Variants in NCKAP5 observed in about 807,000 individuals in gnomAD.
The protein encoded by NCKAP5 is nck-associated protein 5.
NCKAP5 carries 92 observed loss-of-function variants against 167.0 expected under a neutral mutation model. The ratio of observed to expected loss-of-function variants is 0.55; its 90% CI spans 0.47 to 0.66. The LOEUF is 0.66. Ranked by LOEUF, NCKAP5 falls within the 30% of genes least tolerant of loss-of-function variation. The pLI is 0.00. For missense variants in NCKAP5, 2,378 were observed against 2,315.0 expected (o/e 1.03, Z -0.56); for synonymous variants, 891 against 877.4 (o/e 1.02, Z -0.27).
chr2:133,590,479 G>A, the NCKAP5 span, among the ~76,000 whole-genome samples: 5 of 144,232 alleles, frequency 3.5e-5, no homozygotes, highest in East Asian at 6.2e-4. Context: ...AGCCGAGATC[G>A]CGCCACTGCA....
intron 5 of NCKAP5, among the ~76,000 whole-genome samples, chr2:133,135,573 C>A (rs749337786): frequency 2.6e-5 from 4 of 151,460 alleles, no homozygotes; most frequent in Non-Finnish European, 5.9e-5. Flanking sequence ...AACTAACAGG[C>A]TAAATTATAG....
chr2:133,526,321 G>A (rs1453345417), intron 2 of NCKAP5, among the ~76,000 whole-genome samples: 1 of 74,204 alleles, frequency 1.3e-5, no homozygotes, highest in Non-Finnish European at 2.7e-5. Flanking sequence ...AGGAGGGAGG[G>A]AGGGAAGGAG....
chr2:132,716,472 C>G (rs192476110), intron 19 of NCKAP5, among the ~76,000 whole-genome samples: 1 of 152,324 alleles, frequency 6.6e-6, no homozygotes, highest in East Asian at 1.9e-4. Context: ...GTATCCTTTG[C>G]TCCCCTCACC....
At chr2:133,151,270 G>A (rs2083376144) in intron 5 of NCKAP5, among the ~76,000 whole-genome samples, 1 of 152,106 alleles carries the variant, frequency 6.6e-6, no homozygotes, top group Non-Finnish European at 1.5e-5. Context: ...AGCATGACCT[G>A]TGAAAGAAAT....
In NCKAP5 at chr2:133,318,140, C is replaced by T. The variant is rs553797140; in HGVS notation, c.70-15030G>A. ...GTCATAGTTGATTCTCTAATACCAG[C>T]ATAAACAGCTTTCAGGAGAATCATG... On this transcript the variant is annotated intron_variant, in intron 3 of 19. Coordinates refer to ENST00000409261, the MANE Select transcript of NCKAP5 (RefSeq NM_207363.3). Among the ~76,000 whole-genome samples the T allele has an allele frequency of 4.7e-4, 71 of 152,292 alleles. 1 individual carries two copies. The highest frequency in any genetic ancestry group is 1.7e-3 in the African/African-American group (69 of 41,548).
At chr2:133,148,084 T>A (rs556293457) in intron 5 of NCKAP5, among the ~76,000 whole-genome samples, 3 of 152,102 alleles carry the variant, frequency 2.0e-5, no homozygotes, top group Non-Finnish European at 4.4e-5. Context: ...TTAAACATAA[T>A]GAAATGTTTT....
At chr2:132,959,765 C>A (rs1198081077) in intron 8 of NCKAP5, among the ~76,000 whole-genome samples, 2 of 152,202 alleles carry the variant, frequency 1.3e-5, no homozygotes, top group South Asian at 4.1e-4. Context: ...GTGATCCTTT[C>A]GTAGAAGGGA....
intron 11 of NCKAP5, among the ~76,000 whole-genome samples, chr2:132,812,136 C>T (rs920003107): frequency 1.3e-5 from 2 of 152,162 alleles, no homozygotes; most frequent in Admixed American, 6.5e-5. Context: ...CTCCTGGGTC[C>T]TGCAGGAGCG....
intron 4 of NCKAP5, among the ~76,000 whole-genome samples, chr2:133,292,995 A>G (rs1574623023): frequency 6.6e-6 from 1 of 152,182 alleles, no homozygotes. Context: ...ACTCTTCATC[A>G]GCCCTCACTC....
the NCKAP5 span, among the ~76,000 whole-genome samples, chr2:133,609,910 C>A: frequency 6.6e-6 from 1 of 152,100 alleles, no homozygotes; most frequent in Non-Finnish European, 1.5e-5. Context: ...AAAGAGGGCA[C>A]CACCTACAAA....
intron 19 of NCKAP5, among the ~76,000 whole-genome samples, chr2:132,708,602 T>A (rs1438075348): frequency 6.6e-6 from 1 of 152,152 alleles, no homozygotes; most frequent in African/African-American, 2.4e-5. Flanking sequence ...GGATGGCATC[T>A]CTGGACCTGA....
intron 11 of NCKAP5, among the ~76,000 whole-genome samples, chr2:132,856,830 G>T (rs1160996041): frequency 3.9e-5 from 6 of 152,090 alleles, no homozygotes; most frequent in Non-Finnish European, 8.8e-5. Flanking sequence ...CAGAAAATTT[G>T]TCCTCTTACT....
At chr2:132,737,584 A>G (rs563894378) in intron 16 of NCKAP5, among the ~76,000 whole-genome samples, 153 of 151,908 alleles carry the variant, frequency 1.0e-3, no homozygotes, top group African/African-American at 3.6e-3. Flanking sequence ...GTGGCTGAAA[A>G]TCCCCACTCA....
chr2:132,751,531 A>T (rs1408579756), intron 16 of NCKAP5, among the ~76,000 whole-genome samples: 1 of 152,206 alleles, frequency 6.6e-6, no homozygotes, highest in Non-Finnish European at 1.5e-5. Flanking sequence ...CAAGTTTATT[A>T]TCTATGCTTG....
At chr2:133,127,786 T>C (rs1296386902) in intron 6 of NCKAP5, among the ~76,000 whole-genome samples, 1 of 152,162 alleles carries the variant, frequency 6.6e-6, no homozygotes, top group East Asian at 1.9e-4. Context: ...TCTATTATTT[T>C]AAGTTGGTTA....
chr2:132,673,099 GT>G lies in NCKAP5; in HGVS notation c.*189del. On this transcript the variant is annotated 3_prime_UTR_variant, in exon 20 of 20. Coordinates refer to ENST00000409261, the MANE Select transcript of NCKAP5 (RefSeq NM_207363.3). The stretch of plus-strand genomic sequence containing the variant: ...AAGAATCACTCAAAGATTCCAAGTT[GT>G]CTACCCCAGGCCTATCTGAACTACT... 8.0e-7 allele frequency: 1 copy of G among 1,244,524 alleles called. No homozygotes were observed. Among genetic ancestry groups the G allele is most frequent in the Non-Finnish European group, 1.0e-6 (1 of 994,504 alleles). 77.1% of individuals were successfully genotyped at this position (1,244,524 alleles called of 1,614,324 possible).
At chr2:133,673,402 C>T in the NCKAP5 span, among the ~76,000 whole-genome samples, 84 of 152,288 alleles carry the variant, frequency 5.5e-4, 1 homozygote, top group South Asian at 8.7e-3. Context: ...GGAAAGCTTT[C>T]TGCGTTCACA....
intron 5 of NCKAP5, among the ~76,000 whole-genome samples, chr2:133,201,825 A>G (rs1033263133): frequency 6.6e-6 from 1 of 152,132 alleles, no homozygotes; most frequent in Non-Finnish European, 1.5e-5. Flanking sequence ...AGGAACTAGG[A>G]GATTCTGCGC....
At chr2:133,598,209 C>A in the NCKAP5 span, among the ~76,000 whole-genome samples, 1 of 152,138 alleles carries the variant, frequency 6.6e-6, no homozygotes, top group Non-Finnish European at 1.5e-5. Flanking sequence ...TTAATATTTG[C>A]AAAGAACGTG....
Sources: gnomAD v4.1 joint callset for allele counts (sites outside exome capture counted in the v4.1 genomes callset) on GRCh38, gnomAD v4.1.1 for gene constraint, MANE v1.5 for transcripts, NCBI Gene and HGNC (gene_info 2026-07-23, HGNC 2026-07-21) for gene names.